GRIN2B: variants seen among roughly 807,000 people sequenced by gnomAD.
The protein encoded by GRIN2B is glutamate receptor ionotropic, NMDA 2B.
In GRIN2B, 5 loss-of-function variants were observed where a neutral mutation model predicts 114.5. That is an observed-to-expected ratio of 0.04 (90% confidence interval 0.02 to 0.09). The LOEUF is 0.09. Among genes scored for constraint, GRIN2B ranks in the 10% least tolerant of loss-of-function variants. The probability of loss-of-function intolerance (pLI) is 1.00; values close to 1 mark genes in which losing one functional copy is unlikely to be tolerated. For synonymous variants in GRIN2B, 787 were observed against 745.1 expected, an observed-to-expected ratio of 1.06 and a Z score of -0.92; for missense variants, 1,108 against 1,943.5, an observed-to-expected ratio of 0.57 and a Z score of 8.08.
At chr12:13,625,595 G>A (rs927656854) in intron 5 of GRIN2B, among the ~76,000 whole-genome samples, 2 of 152,146 alleles carry the variant, frequency 1.3e-5, no homozygotes, top group Non-Finnish European at 2.9e-5. Flanking sequence ...GCTCCTTAAT[G>A]TGACTTCCTC....
chr12:13,713,654 C>T (rs1950432633), intron 4 of GRIN2B, among the ~76,000 whole-genome samples: 1 of 151,554 alleles, frequency 6.6e-6, no homozygotes, highest in African/African-American at 2.4e-5. Flanking sequence ...GGGAACAACT[C>T]AGAATCTGGT....
chr12:13,689,962 TTC>T (rs1026357821), intron 4 of GRIN2B, among the ~76,000 whole-genome samples: 3 of 152,152 alleles, frequency 2.0e-5, no homozygotes, highest in Non-Finnish European at 4.4e-5. Context: ...TTCTCCCCTC[TTC>T]TCTCCTCTTG....
chr12:13,727,913 G>T (rs1476749389), intron 4 of GRIN2B, among the ~76,000 whole-genome samples: 2 of 152,160 alleles, frequency 1.3e-5, no homozygotes, highest in Admixed American at 1.3e-4. Flanking sequence ...ACCTACCTCT[G>T]CATGCACCCC....
intron 2 of GRIN2B, among the ~76,000 whole-genome samples, chr12:13,894,582 T>C (rs1457219695): frequency 6.6e-6 from 1 of 152,190 alleles, no homozygotes; most frequent in African/African-American, 2.4e-5. Flanking sequence ...CGAGTGACTT[T>C]TTTTTCTGTC....
chr12:13,900,088 T>TATCC (rs555877167), intron 2 of GRIN2B, among the ~76,000 whole-genome samples: 24 of 152,332 alleles, frequency 1.6e-4, no homozygotes, highest in Non-Finnish European at 2.9e-4. Flanking sequence ...CACTCTCAAA[T>TATCC]ATCCTTCCTC....
rs573086701 is a variant in GRIN2B, at chr12:13,635,870, G to A, written c.1126-19213C>T. Among the ~76,000 whole-genome samples, 45 of 152,236 alleles carry A rather than the reference G, an allele frequency of 3.0e-4. No individual in the cohort carries two copies. The South Asian group carries it at 6.2e-3, about 21-fold the overall frequency. ...TAATTAGAATATAAGTTCTTCTTTCGTTTATTCAGCAGGTATTATTTCGCA... is the reference window on the plus strand; with the variant it reads ...TAATTAGAATATAAGTTCTTCTTTCATTTATTCAGCAGGTATTATTTCGCA... On this transcript the variant is annotated intron_variant, in intron 5 of 13. Coordinates refer to ENST00000609686, the MANE Select transcript of GRIN2B (RefSeq NM_000834.5).
chr12:13,865,896 G>C lies in GRIN2B; in HGVS notation c.313C>G (p.Gln105Glu), dbSNP rs759787940. Residue 105 changes from glutamine (Q) to glutamate (E), a missense_variant, in exon 3 of 14, where the codon CAG (glutamine) becomes GAG (glutamate). Gln to Glu is a conservative substitution (Grantham distance 29, BLOSUM62 2). Around this residue, in one of 19 missense-constraint regions of GRIN2B, gnomAD observed 199 missense variants for 439.6 expected, o/e 0.45. Transcript: ENST00000609686. ...QGVVFADDTD[Q>E]EAIAQILDFI... ...TCGAGGATCTGGGCGATGGCTTCCT[G>C]GTCTGTGTCATCAGCAAACACCACC... The C allele has an allele frequency of 1.2e-6, 2 of 1,613,754 alleles. No individual in the cohort carries two copies. Among genetic ancestry groups the C allele is most frequent in the Non-Finnish European group, 1.7e-6 (2 of 1,179,896 alleles).
chr12:13,904,434 C>G (rs1326813459), intron 2 of GRIN2B, among the ~76,000 whole-genome samples: 1 of 152,042 alleles, frequency 6.6e-6, no homozygotes, highest in Non-Finnish European at 1.5e-5. Context: ...ACCCCATTAA[C>G]CTTCCTGCCT....
At chr12:13,734,279 G>A (rs182841196) in intron 4 of GRIN2B, among the ~76,000 whole-genome samples, 13 of 152,318 alleles carry the variant, frequency 8.5e-5, no homozygotes, top group African/African-American at 2.9e-4. Context: ...AGCTAATGAG[G>A]ATAGTGACTC....
intron 9 of GRIN2B, among the ~76,000 whole-genome samples, chr12:13,609,496 A>G (rs1949333079): frequency 6.6e-6 from 1 of 152,158 alleles, no homozygotes; most frequent in African/African-American, 2.4e-5. Flanking sequence ...ATCAGAGGCC[A>G]GGCATGGTGG....
intron 2 of GRIN2B, among the ~76,000 whole-genome samples, chr12:13,967,690 G>C (rs1867811345): frequency 6.6e-6 from 1 of 152,174 alleles, no homozygotes; most frequent in Non-Finnish European, 1.5e-5. Context: ...TCGGGAGGTG[G>C]GATGGATAGA....
intron 3 of GRIN2B, among the ~76,000 whole-genome samples, chr12:13,835,236 G>A (rs759849105): frequency 1.3e-5 from 2 of 151,966 alleles, no homozygotes; most frequent in Non-Finnish European, 2.9e-5. Context: ...ACCAGTTTTT[G>A]TCCTTACCCT....
At chr12:13,727,582 G>C (rs1412301646) in intron 4 of GRIN2B, among the ~76,000 whole-genome samples, 1 of 152,158 alleles carries the variant, frequency 6.6e-6, no homozygotes, top group African/African-American at 2.4e-5. Flanking sequence ...CCTGCAAATT[G>C]TAAGAAATAT....
intron 5 of GRIN2B, among the ~76,000 whole-genome samples, chr12:13,634,590 T>A (rs1267447732): frequency 6.6e-6 from 1 of 152,128 alleles, no homozygotes; most frequent in Non-Finnish European, 1.5e-5. Flanking sequence ...GTGACACCCA[T>A]CACTTCTGCC....
intron 10 of GRIN2B, 105 bp downstream of exon 10, chr12:13,608,498 C>CAAGCA: frequency 1.3e-6 from 1 of 785,118 alleles, no homozygotes; most frequent in African/African-American, 1.7e-5. Context: ...TAAGAAAGAA[C>CAAGCA]GGTCAATTCC....
Position 13,540,483 on chromosome 12 carries a change from C to T in GRIN2B, c.*22300G>A, listed in dbSNP as rs1414772688. On this transcript the variant is annotated 3_prime_UTR_variant, in exon 14 of 14. Coordinates refer to ENST00000609686, the MANE Select transcript of GRIN2B (RefSeq NM_000834.5). Reference sequence around the variant, plus strand: ...AAAAAGCCCTCCACCCAAAAGACCCCCCACCCCCACCCGACCCCAATGAGA... The same window carrying T: ...AAAAAGCCCTCCACCCAAAAGACCCTCCACCCCCACCCGACCCCAATGAGA... The T allele has an allele frequency of 6.7e-6, 1 of 150,184 alleles. No individual in the cohort carries two copies. The highest frequency in any genetic ancestry group is 1.5e-5 in the Non-Finnish European group (1 of 67,658). 9.3% of individuals were successfully genotyped at this position (150,184 alleles called of 1,614,324 possible). A position where few individuals can be genotyped will look rare whatever the true frequency, so the allele number is the denominator to read the frequency against.
intron 3 of GRIN2B, among the ~76,000 whole-genome samples, chr12:13,825,065 A>T (rs1402459986): frequency 6.6e-6 from 1 of 151,968 alleles, no homozygotes; most frequent in Non-Finnish European, 1.5e-5. Flanking sequence ...ATTTAATTTT[A>T]TAAATGTCCC....
chr12:13,805,626 G>A (rs992607032), intron 3 of GRIN2B, among the ~76,000 whole-genome samples: 2 of 152,042 alleles, frequency 1.3e-5, no homozygotes, highest in African/African-American at 4.8e-5. Context: ...AATAAAAATT[G>A]TATGTATTTA....
Position 13,608,841 on chromosome 12 carries a change from A to T in GRIN2B, c.1781-9T>A. ...AGAGGGTCCACCAGGCTCTGGCATG[A>T]CAAAAAGACAAGGACGAAAGTTAAG... is the stretch of plus-strand genomic sequence containing the variant. On this transcript the variant is annotated splice_polypyrimidine_tract_variant and intron_variant, in intron 9 of 13. Transcript: ENST00000609686. 6.2e-7 allele frequency: 1 copy of T among 1,602,406 alleles called. No homozygotes were observed. Among genetic ancestry groups the T allele is most frequent in the Non-Finnish European group, 8.6e-7 (1 of 1,169,474 alleles).
Sources: allele counts gnomAD v4.1 joint callset (sites outside exome capture counted in the v4.1 genomes callset), GRCh38; gene constraint gnomAD v4.1.1; regional missense constraint gnomAD v4.1.1; transcripts MANE v1.5; gene names NCBI Gene and HGNC (gene_info 2026-07-23, HGNC 2026-07-21).